The following AGBL1 variants were observed in gnomAD, a reference collection of about 807,000 sequenced individuals.
The protein encoded by AGBL1 is AGBL carboxypeptidase 1.
A neutral mutation model predicts 118.9 loss-of-function variants in AGBL1; 130 were observed. That is an observed-to-expected ratio of 1.09 (90% CI 0.95 to 1.26). The LOEUF is 1.26. AGBL1 is among the 50% of genes most tolerant of loss of function. The probability of loss-of-function intolerance (pLI) is 0.00; values close to 1 mark genes in which losing one functional copy is unlikely to be tolerated. For synonymous variants in AGBL1, 555 were observed against 478.9 expected (o/e 1.16, Z -2.08); for missense variants, 1,584 against 1,298.1 (o/e 1.22, Z -3.38).
intron 22 of AGBL1, among the ~76,000 whole-genome samples, chr15:86,860,136 G>A (rs554224372): frequency 2.0e-5 from 3 of 152,172 alleles, no homozygotes; most frequent in South Asian, 2.1e-4. Flanking sequence ...CTGTAAAAAC[G>A]GTGAACTTAG....
At chr15:87,024,313 C>T (rs2081701705) in intron 24 of AGBL1, among the ~76,000 whole-genome samples, 1 of 151,886 alleles carries the variant, frequency 6.6e-6, no homozygotes, top group Non-Finnish European at 1.5e-5. Context: ...ACTAACACCA[C>T]AGAAATAAAA....
intron 22 of AGBL1, among the ~76,000 whole-genome samples, chr15:86,710,475 C>T (rs995439653): frequency 6.6e-6 from 1 of 152,134 alleles, no homozygotes; most frequent in Non-Finnish European, 1.5e-5. Flanking sequence ...ATACTTAAGG[C>T]TCTGCTCAGC....
chr15:86,726,633 C>G (rs185990177), intron 22 of AGBL1, among the ~76,000 whole-genome samples: 229 of 152,314 alleles, frequency 1.5e-3, no homozygotes, highest in African/African-American at 5.4e-3. Context: ...ACAGTCACTA[C>G]TTACTGCAGC....
At chr15:86,767,416 A>T (rs1192797778) in intron 22 of AGBL1, among the ~76,000 whole-genome samples, 2 of 151,924 alleles carry the variant, frequency 1.3e-5, no homozygotes, top group African/African-American at 4.8e-5. Flanking sequence ...CACTTTCTCT[A>T]AGAACTTCAA....
intron 21 of AGBL1, among the ~76,000 whole-genome samples, chr15:86,582,125 A>T (rs76966002): frequency 0.029 from 4,450 of 152,248 alleles, 103 homozygotes; most frequent in East Asian, 0.14. Context: ...ACAACCAAAA[A>T]ATATATCTAG....
chr15:86,277,824 T>C (rs1163389059), intron 15 of AGBL1, among the ~76,000 whole-genome samples: 1 of 152,252 alleles, frequency 6.6e-6, no homozygotes, highest in East Asian at 1.9e-4. Flanking sequence ...TGCCTTTACA[T>C]TCATGAATAC....
intron 21 of AGBL1, among the ~76,000 whole-genome samples, chr15:86,598,630 C>A (rs1044471466): frequency 6.6e-6 from 1 of 152,062 alleles, no homozygotes; most frequent in Non-Finnish European, 1.5e-5. Context: ...AGTTAGGGAT[C>A]ACTCTTTTAG....
intron 1 of AGBL1, 43 bp downstream of exon 1, chr15:86,080,066 G>A: frequency 8.1e-7 from 1 of 1,227,538 alleles, no homozygotes; most frequent in Non-Finnish European, 1.0e-6. Flanking sequence ...CGGGCTGGGT[G>A]TTTGCCTGGG....
chr15:86,831,464 G>A (rs1353602357), intron 22 of AGBL1, among the ~76,000 whole-genome samples: 1 of 152,194 alleles, frequency 6.6e-6, no homozygotes, highest in Non-Finnish European at 1.5e-5. Flanking sequence ...GTGTGTACAG[G>A]TATTGGGTAA....
Position 86,391,084 on chromosome 15 carries a change from A to G in AGBL1, c.2375-6282A>G, listed in dbSNP as rs1450716216. On this transcript the variant is annotated intron_variant, in intron 17 of 22. Coordinates refer to ENST00000614907, the MANE Select transcript of AGBL1 (RefSeq NM_001386094.1). ...GGGGTGGGGTGAAAGGATTGCCTGC[A>G]AAGTGAAATGAGGAGAATATCGGAG... Among the ~76,000 whole-genome samples the G allele has an allele frequency of 3.3e-5, 5 of 151,990 alleles. No homozygotes were observed. In the East Asian group the frequency reaches 9.7e-4, roughly 29 times the overall value.
chr15:86,944,772 C>T (rs189639717), intron 23 of AGBL1, among the ~76,000 whole-genome samples: 2 of 151,846 alleles, frequency 1.3e-5, no homozygotes, highest in East Asian at 1.9e-4. Flanking sequence ...AATTAATTAT[C>T]ATCTTTTACT....
chr15:86,455,080 C>G (rs910237429), intron 18 of AGBL1, among the ~76,000 whole-genome samples: 2 of 152,194 alleles, frequency 1.3e-5, no homozygotes, highest in South Asian at 4.2e-4. Flanking sequence ...AGAGCAAGCT[C>G]TGATTCAAGA....
At chr15:86,389,711 A>G (rs193097393) in intron 17 of AGBL1, among the ~76,000 whole-genome samples, 10 of 152,296 alleles carry the variant, frequency 6.6e-5, no homozygotes, top group Non-Finnish European at 1.5e-4. Context: ...ATTATATTAT[A>G]CTATAATAAA....
intron 18 of AGBL1, among the ~76,000 whole-genome samples, chr15:86,470,596 G>C (rs1453213136): frequency 6.6e-6 from 1 of 152,166 alleles, no homozygotes; most frequent in South Asian, 2.1e-4. Flanking sequence ...AATTTTGAGA[G>C]GGATGGCATT....
At chr15:86,626,987 G>A (rs2084898241) in intron 21 of AGBL1, among the ~76,000 whole-genome samples, 1 of 151,036 alleles carries the variant, frequency 6.6e-6, no homozygotes, top group South Asian at 2.1e-4. Context: ...ACAGGTGCCT[G>A]CCACAACGAC....
intron 22 of AGBL1, among the ~76,000 whole-genome samples, chr15:86,771,427 G>A (rs1485144859): frequency 6.6e-6 from 1 of 152,006 alleles, no homozygotes; most frequent in African/African-American, 2.4e-5. Flanking sequence ...GCGCTTAATG[G>A]TATGTGCTTT....
chr15:86,310,234 G>A (rs117525715), intron 17 of AGBL1, among the ~76,000 whole-genome samples: 4,443 of 152,182 alleles, frequency 0.029, 95 homozygotes, highest in East Asian at 0.054. Flanking sequence ...CATAGTAGTC[G>A]CTTATGATCC....
At chr15:86,783,680 A>G (rs936222231) in intron 22 of AGBL1, among the ~76,000 whole-genome samples, 14 of 152,190 alleles carry the variant, frequency 9.2e-5, no homozygotes, top group Admixed American at 6.5e-5. Context: ...CCCAGGCTGG[A>G]GTGCAGAGGC....
intron 23 of AGBL1, among the ~76,000 whole-genome samples, chr15:86,956,310 G>T (rs2080931160): frequency 2.6e-5 from 4 of 151,740 alleles, no homozygotes; most frequent in Admixed American, 2.6e-4. Context: ...TATAGATATA[G>T]GTAGATGATA....
Sources: allele counts gnomAD v4.1 joint callset (sites outside exome capture counted in the v4.1 genomes callset), GRCh38; gene constraint gnomAD v4.1.1; transcripts MANE v1.5; gene names NCBI Gene and HGNC (gene_info 2026-07-23, HGNC 2026-07-21).